Variants in JMJD1C observed in about 807,000 individuals in gnomAD.
JMJD1C encodes jumonji domain containing 1C.
JMJD1C carries 31 observed loss-of-function variants against 245.3 expected under a neutral mutation model. That is an observed-to-expected ratio of 0.13 (90% CI 0.09 to 0.17). JMJD1C has a LOEUF of 0.17. JMJD1C is among the 10% of genes least tolerant of loss of function. JMJD1C has a pLI of 1.00. For synonymous variants in JMJD1C, 1,057 were observed against 1,017.4 expected, an observed-to-expected ratio of 1.04 and a Z score of -0.74; for missense variants, 2,691 against 3,000.2, an observed-to-expected ratio of 0.90 and a Z score of 2.41.
intron 1 of JMJD1C, among the ~76,000 whole-genome samples, chr10:63,484,272 AAGATAGATAGATAAGAC>A (rs1953923358): frequency 6.7e-6 from 1 of 148,218 alleles, no homozygotes; most frequent in Non-Finnish European, 1.5e-5. Context: ...ATAGATAGAT[AAGATAGATAGATAAGAC>A]AGACAGATAA....
At chr10:63,191,130 ATTTTG>A (rs749533964) in intron 16 of JMJD1C, 22 bp from the exon 17 acceptor site, 11 of 1,589,184 alleles carry the variant, frequency 6.9e-6, no homozygotes, top group Admixed American at 3.4e-5. Flanking sequence ...AATTTCACAG[ATTTTG>A]TTTTGTTTTG....
At chr10:63,520,995 C>G (rs1211660071) in intron 1 of JMJD1C, among the ~76,000 whole-genome samples, 1 of 152,238 alleles carries the variant, frequency 6.6e-6, no homozygotes, top group Non-Finnish European at 1.5e-5. Flanking sequence ...TCTCCAAAAC[C>G]AGGGCCTGGT....
intron 2 of JMJD1C, among the ~76,000 whole-genome samples, chr10:63,290,398 G>A (rs1239339664): frequency 9.9e-5 from 15 of 151,940 alleles, no homozygotes; most frequent in Non-Finnish European, 1.5e-4. Context: ...GTGAAACCCC[G>A]TCCCTATTAA....
intron 2 of JMJD1C, among the ~76,000 whole-genome samples, chr10:63,333,554 G>C (rs912049417): frequency 6.6e-6 from 1 of 152,022 alleles, no homozygotes; most frequent in Admixed American, 6.6e-5. Context: ...AAAAGAGAGA[G>C]AAAGAAAGGC....
intron 2 of JMJD1C, among the ~76,000 whole-genome samples, chr10:63,321,050 T>C: frequency 6.6e-6 from 1 of 152,318 alleles, no homozygotes; most frequent in East Asian, 1.9e-4. Flanking sequence ...AAATAGAGTT[T>C]GAATGAGGTT....
At chr10:63,456,868 T>A (rs772982018) in intron 1 of JMJD1C, among the ~76,000 whole-genome samples, 2 of 152,240 alleles carry the variant, frequency 1.3e-5, no homozygotes, top group East Asian at 1.9e-4. Flanking sequence ...TAAAGAGAAT[T>A]AGATGAACAG....
chr10:63,513,728 C>A (rs572410247), intron 1 of JMJD1C, among the ~76,000 whole-genome samples: 118 of 152,056 alleles, frequency 7.8e-4, no homozygotes, highest in African/African-American at 2.7e-3. Context: ...CTGGCTAACA[C>A]AGGGAAACCC....
intron 16 of JMJD1C, among the ~76,000 whole-genome samples, chr10:63,191,399 G>A (rs138619659): frequency 5.9e-5 from 9 of 152,276 alleles, no homozygotes; most frequent in Admixed American, 1.3e-4. Context: ...CTCCCAAACT[G>A]CTGGGATTAC....
At chr10:63,365,475 GATTC>G (rs1945753680) in intron 2 of JMJD1C, among the ~76,000 whole-genome samples, 1 of 152,124 alleles carries the variant, frequency 6.6e-6, no homozygotes, top group South Asian at 2.1e-4. Flanking sequence ...TTCTCAGTAA[GATTC>G]AGTAATTCAG....
chr10:63,464,668 A>C (rs561807114), intron 1 of JMJD1C, among the ~76,000 whole-genome samples: 3 of 151,602 alleles, frequency 2.0e-5, no homozygotes, highest in Admixed American at 6.6e-5. Flanking sequence ...CTACTCAAAG[A>C]AAGCACTGGC....
chr10:63,303,379 C>G (rs1860325775), intron 2 of JMJD1C, among the ~76,000 whole-genome samples: 1 of 152,172 alleles, frequency 6.6e-6, no homozygotes. Context: ...AACCTTGACT[C>G]ACTGCAGCCT....
intron 3 of JMJD1C, among the ~76,000 whole-genome samples, chr10:63,259,135 ACTT>A (rs1854361992): frequency 6.6e-6 from 1 of 152,218 alleles, no homozygotes; most frequent in Non-Finnish European, 1.5e-5. Flanking sequence ...AGTTCTGTTT[ACTT>A]CTTTCTGTAA....
intron 1 of JMJD1C, among the ~76,000 whole-genome samples, chr10:63,432,501 G>A (rs1950817849): frequency 6.6e-6 from 1 of 152,086 alleles, no homozygotes; most frequent in African/African-American, 2.4e-5. Flanking sequence ...CTTCCTGCCT[G>A]GAGCTGAACT....
intron 2 of JMJD1C, among the ~76,000 whole-genome samples, chr10:63,273,024 A>G (rs1007321051): frequency 6.6e-6 from 1 of 152,254 alleles, no homozygotes; most frequent in Non-Finnish European, 1.5e-5. Context: ...ACAATACTGA[A>G]AAACCAAACA....
intron 2 of JMJD1C, among the ~76,000 whole-genome samples, chr10:63,305,391 G>A (rs902574835): frequency 2.9e-5 from 4 of 136,768 alleles, no homozygotes; most frequent in East Asian, 2.4e-4. Flanking sequence ...AAACAAAAAA[G>A]GTTGCAGTGA....
chr10:63,198,672 G>T lies in JMJD1C; in HGVS notation c.5332C>A (p.Gln1778Lys), dbSNP rs1435788349. The T allele has an allele frequency of 1.2e-6, 2 of 1,612,240 alleles. No individual in the cohort carries two copies. The highest frequency in any genetic ancestry group is 2.2e-5 in the South Asian group (2 of 90,980). ...AAACTCATAGCTTCATCATCATATT[G>T]GTCAGGAGAAGAGAAACCATCTATT... is the stretch of plus-strand genomic sequence containing the variant. Reference protein sequence around the residue: ...VRIDGFSSPDQYDDEAMSLWT... With the variant: ...VRIDGFSSPDKYDDEAMSLWT... The change falls in exon 12 of 26, where the codon CAA (glutamine) becomes AAA (lysine). Residue 1778 changes from glutamine to lysine, a missense_variant. By Grantham distance (53) the Gln-to-Lys change is moderately conservative. This residue lies in a region of JMJD1C where 139 missense variants were observed against 270.5 expected (regional missense o/e 0.51). Coordinates refer to ENST00000399262, the MANE Select transcript of JMJD1C (RefSeq NM_032776.3).
chr10:63,489,300 T>A (rs1954095156), intron 1 of JMJD1C, among the ~76,000 whole-genome samples: 1 of 152,038 alleles, frequency 6.6e-6, no homozygotes. Context: ...CTCAGGAGGC[T>A]AAGGCAGGAG....
chr10:63,251,858 A>G (rs1853134469), intron 3 of JMJD1C, among the ~76,000 whole-genome samples: 1 of 152,180 alleles, frequency 6.6e-6, no homozygotes, highest in African/African-American at 2.4e-5. Flanking sequence ...CTAAAAATAC[A>G]AAAATTAGCT....
Position 63,198,638 on chromosome 10 carries a change from T to G in JMJD1C, c.5366A>C (p.His1789Pro), listed in dbSNP as rs974108053. ...YDDEAMSLWT[H>P]ENFEDDELDI... ...TAGTTCATCATCTTCAAAATTTTCA[T>G]GTGTCCACAAACTCATAGCTTCATC... Residue 1789 changes from histidine (H) to proline (P), a missense_variant, in exon 12 of 26, where the codon CAT (histidine) becomes CCT (proline). Transcript: ENST00000399262. The G allele has an allele frequency of 3.1e-6, 5 of 1,612,376 alleles. No homozygotes were observed. Among genetic ancestry groups the G allele is most frequent in the Non-Finnish European group, 4.2e-6 (5 of 1,178,986 alleles).
Sources: allele counts gnomAD v4.1 joint callset (sites outside exome capture counted in the v4.1 genomes callset), GRCh38; gene constraint gnomAD v4.1.1; regional missense constraint gnomAD v4.1.1; transcripts MANE v1.5; gene names NCBI Gene and HGNC (gene_info 2026-07-23, HGNC 2026-07-21).